The following RUVBL1 variants were observed in gnomAD, a reference collection of about 807,000 sequenced individuals.
RUVBL1 encodes the protein RuvB like AAA ATPase 1, also known as ruvB-like 1.
In RUVBL1, 4 loss-of-function variants were observed where a neutral mutation model predicts 52.4. The observed-to-expected ratio is 0.08, with a 90% CI of 0.04 to 0.17. The LOEUF (loss-of-function observed/expected upper bound fraction) is 0.17. Ranked by LOEUF, RUVBL1 falls within the 10% of genes least tolerant of loss-of-function variation. The probability of loss-of-function intolerance (pLI) is 1.00; values close to 1 mark genes in which losing one functional copy is unlikely to be tolerated. For missense variants in RUVBL1, 298 were observed against 572.8 expected (o/e 0.52, Z 4.90); for synonymous variants, 217 against 214.4 (o/e 1.01, Z -0.10).
Position 128,112,976 on chromosome 3 carries a change from G to A in RUVBL1, c.273C>T (p.Val91=), listed in dbSNP as rs747272445. The A allele has an allele frequency of 2.5e-6, 4 of 1,614,086 alleles. No individual in the cohort carries two copies. Among genetic ancestry groups the A allele is most frequent in the Non-Finnish European group, 3.4e-6 (4 of 1,179,982 alleles). Residue 91 remains valine (V), a synonymous_variant, in exon 3 of 11, where the codon GTC becomes GTT. Coordinates refer to ENST00000322623, the MANE Select transcript of RUVBL1 (RefSeq NM_003707.3). Reference sequence around the variant, plus strand: ...CACTCCCCACCATTGGGCAGAAGGGGACCTTACTACCCAGCTCCTGAGCAA... The same window carrying A: ...CACTCCCCACCATTGGGCAGAAGGGAACCTTACTACCCAGCTCCTGAGCAA... ...LAIAQELGSK[V]PFCPMVGSEV...
chr3:128,079,405 T>TC (rs1490937640), downstream of RUVBL1, among the ~76,000 whole-genome samples: 1 of 152,224 alleles, frequency 6.6e-6, no homozygotes, highest in Non-Finnish European at 1.5e-5. Context: ...ACTTGCCTCC[T>TC]CTGTGGAAGT....
At chr3:128,117,078 G>A (rs953965139) in intron 2 of RUVBL1, among the ~76,000 whole-genome samples, 2 of 152,078 alleles carry the variant, frequency 1.3e-5, no homozygotes, top group African/African-American at 4.8e-5. Context: ...AGGGTATAGA[G>A]GGGCTCATCA....
At position 128,097,513 on chromosome 3, in the gene RUVBL1, G is replaced by A; in HGVS notation, c.818-15C>T. 1 of 1,613,238 alleles carries A rather than the reference G, an allele frequency of 6.2e-7. No homozygotes were observed. Among genetic ancestry groups the A allele is most frequent in the Non-Finnish European group, 8.5e-7 (1 of 1,179,208 alleles). On this transcript the variant is annotated splice_polypyrimidine_tract_variant and intron_variant, in intron 7 of 10. Transcript: ENST00000322623. ...TCGAAGTTTGTCTAGGAGATGCAAG[G>A]ATGGGCAGGCAAGGTCAGCACAGGG...
In RUVBL1 at chr3:128,067,672, G is replaced by C. The variant is rs1576426107; in HGVS notation, c.940-2452C>G. On this transcript the variant is annotated intron_variant, in intron 9 of 9. Transcript: ENST00000464873. This position sits in a 1 kb window ranked among gnomAD's most constrained non-coding sequence, Gnocchi z 4.1. Reference sequence around the variant, plus strand: ...AAAGTGTGACTGGTATAAGGGGTGTGGACTTGTCACCTCATCATAAATAAT... The same window carrying C: ...AAAGTGTGACTGGTATAAGGGGTGTCGACTTGTCACCTCATCATAAATAAT... 3 of 1,322,634 alleles carry C rather than the reference G, an allele frequency of 2.3e-6. No homozygotes were observed. The highest frequency in any genetic ancestry group is 3.2e-6 in the Non-Finnish European group (3 of 943,042). 81.9% of individuals were successfully genotyped at this position (1,322,634 alleles called of 1,614,324 possible).
chr3:128,106,514 C>G (rs963170919), intron 3 of RUVBL1, among the ~76,000 whole-genome samples: 2 of 151,986 alleles, frequency 1.3e-5, no homozygotes, highest in African/African-American at 4.8e-5. Flanking sequence ...CCCATGGTGA[C>G]CTGTGTTTCC....
intron 2 of RUVBL1, among the ~76,000 whole-genome samples, chr3:128,119,103 C>G (rs980022656): frequency 2.0e-5 from 3 of 152,168 alleles, no homozygotes; most frequent in African/African-American, 4.8e-5. Context: ...GACAATGAGA[C>G]CCCTTCAAGG....
At chr3:128,099,483 C>T (rs1943065840) in intron 6 of RUVBL1, among the ~76,000 whole-genome samples, 1 of 152,178 alleles carries the variant, frequency 6.6e-6, no homozygotes, top group African/African-American at 2.4e-5. Flanking sequence ...GATTATATTG[C>T]TGTGCCTCCT....
intron 9 of RUVBL1, among the ~76,000 whole-genome samples, chr3:128,073,849 G>A (rs1056704578): frequency 8.5e-5 from 13 of 152,196 alleles, no homozygotes; most frequent in African/African-American, 2.4e-4. Flanking sequence ...AATGCCCATC[G>A]GAGGGGGCTG....
At chr3:128,127,930 G>A (rs1395394323), upstream of RUVBL1, among the ~76,000 whole-genome samples, 1 of 152,188 alleles carries the variant, frequency 6.6e-6, no homozygotes, top group African/African-American at 2.4e-5. Context: ...CCAGAAGGCA[G>A]AGGTTGCAGT....
At position 128,082,700 on chromosome 3, in the gene RUVBL1, G is replaced by T; in HGVS notation, c.1120-126C>A. Reference sequence around the variant, plus strand: ...CATAAGAGAAACTGAGACCTGGGTTGGTGGGCAGGGAGCCAACGCCTGCCC... The same window carrying T: ...CATAAGAGAAACTGAGACCTGGGTTTGTGGGCAGGGAGCCAACGCCTGCCC... On this transcript the variant is annotated intron_variant, in intron 9 of 10. Transcript: ENST00000322623. The surrounding 1 kb of genome is among the most constrained non-coding windows in gnomAD (Gnocchi z 4.7). The T allele has an allele frequency of 1.3e-6, 1 of 797,526 alleles. No homozygotes were observed. Among genetic ancestry groups the T allele is most frequent in the Non-Finnish European group, 2.0e-6 (1 of 512,608 alleles). 49.4% of individuals were successfully genotyped at this position (797,526 alleles called of 1,614,324 possible).
intron 1 of RUVBL1, among the ~76,000 whole-genome samples, chr3:128,137,095 C>T (rs994260080): frequency 2.0e-5 from 3 of 151,798 alleles, no homozygotes; most frequent in Admixed American, 2.0e-4. Flanking sequence ...CAATAAGTGC[C>T]TACATGAAAA....
intron 8 of RUVBL1, among the ~76,000 whole-genome samples, chr3:128,089,516 A>C (rs989678347): frequency 6.6e-6 from 1 of 152,276 alleles, no homozygotes; most frequent in Non-Finnish European, 1.5e-5. Context: ...TTGGTTTCAA[A>C]AACAAGTAAG....
chr3:128,105,111 C>CTTTT (rs34719630), intron 3 of RUVBL1, among the ~76,000 whole-genome samples, 187 bp from the exon 4 acceptor site: 1 of 134,054 alleles, frequency 7.5e-6, no homozygotes, highest in South Asian at 2.4e-4. Context: ...AGAAATGCAA[C>CTTTT]TTTTTTTTTT....
intron 3 of RUVBL1, among the ~76,000 whole-genome samples, chr3:128,112,588 CAAAATAAGACTTCCAGGA>C (rs952981736): frequency 7.2e-5 from 11 of 152,052 alleles, no homozygotes; most frequent in African/African-American, 2.7e-4. Flanking sequence ...TCTCTAATGG[CAAAATAAGACTTCCAGGA>C]AAATATGACT....
intron 8 of RUVBL1, among the ~76,000 whole-genome samples, chr3:128,088,220 C>T (rs951246383): frequency 1.3e-5 from 2 of 151,156 alleles, no homozygotes; most frequent in Non-Finnish European, 2.9e-5. Flanking sequence ...TGAGAGTGTA[C>T]CACTGCACTC....
At chr3:128,076,485 C>T (rs533767186), downstream of RUVBL1, among the ~76,000 whole-genome samples, 8 of 152,292 alleles carry the variant, frequency 5.3e-5, no homozygotes, top group African/African-American at 1.9e-4. The surrounding 1 kb of genome is among the most constrained non-coding windows in gnomAD (Gnocchi z 6.8). Flanking sequence ...GGTTTTGGGT[C>T]GGGGTCCTGA....
At chr3:128,098,516 C>T (rs1052341553) in intron 7 of RUVBL1, among the ~76,000 whole-genome samples, 2 of 152,186 alleles carry the variant, frequency 1.3e-5, no homozygotes, top group African/African-American at 4.8e-5. Context: ...TGCCCACAAA[C>T]TGGGCAGGGC....
chr3:128,071,696 C>T (rs143692624), intron 9 of RUVBL1: 41 of 152,796 alleles, frequency 2.7e-4, no homozygotes, highest in African/African-American at 9.4e-4. Context: ...TGATCATGTT[C>T]TCTTGATTTT....
intron 3 of RUVBL1, among the ~76,000 whole-genome samples, 183 bp from the exon 4 acceptor site, chr3:128,105,107 G>A (rs974887874): frequency 1.3e-5 from 2 of 148,366 alleles, no homozygotes; most frequent in Non-Finnish European, 3.0e-5. Flanking sequence ...TATTAGAAAT[G>A]CAACTTTTTT....
Sources: allele counts gnomAD v4.1 joint callset (sites outside exome capture counted in the v4.1 genomes callset), GRCh38; gene constraint gnomAD v4.1.1; non-coding constraint Gnocchi (gnomAD v3.1); transcripts MANE v1.5; gene names NCBI Gene and HGNC (gene_info 2026-07-23, HGNC 2026-07-21).